ADAMTS17: variants seen among roughly 807,000 people sequenced by gnomAD.
ADAMTS17 encodes the protein A disintegrin and metalloproteinase with thrombospondin motifs 17.
A neutral mutation model predicts 141.5 loss-of-function variants in ADAMTS17; 113 were observed. The observed-to-expected ratio is 0.80, with a 90% CI of 0.69 to 0.93. ADAMTS17 has a LOEUF of 0.93. ADAMTS17 is among the 40% of genes least tolerant of loss of function. The pLI is 0.00. For missense variants in ADAMTS17, 1,659 were observed against 1,517.9 expected, an observed-to-expected ratio of 1.09 and a Z score of -1.54; for synonymous variants, 768 against 630.6, an observed-to-expected ratio of 1.22 and a Z score of -3.27.
At chr15:100,005,799 C>T (rs559308807) in intron 18 of ADAMTS17, among the ~76,000 whole-genome samples, 1 of 152,314 alleles carries the variant, frequency 6.6e-6, no homozygotes, top group Admixed American at 6.5e-5. Flanking sequence ...TCTATTCCCT[C>T]ACAGTTTTGG....
rs148784823 is a variant in ADAMTS17, at chr15:100,170,538, T to C, written c.1182-15218A>G. On this transcript the variant is annotated intron_variant, in intron 8 of 21. Transcript: ENST00000268070. ...AAAAGATACATCAAATTGGGAACCATTGAAAGTCCCTTCGCGGATTTCAAG... is the reference window on the plus strand; with the variant it reads ...AAAAGATACATCAAATTGGGAACCACTGAAAGTCCCTTCGCGGATTTCAAG... 5.8e-3 allele frequency among the ~76,000 whole-genome samples: 885 copies of C among 152,332 alleles called. 9 individuals carry two copies. Among genetic ancestry groups the C allele is most frequent in the African/African-American group, 0.02 (824 of 41,574 alleles).
At chr15:100,007,642 A>T (rs1567670218) in intron 18 of ADAMTS17, among the ~76,000 whole-genome samples, 1 of 152,068 alleles carries the variant, frequency 6.6e-6, no homozygotes, top group African/African-American at 2.4e-5. Flanking sequence ...CAGGACTCTG[A>T]GCCCAAGAAT....
At chr15:100,020,956 C>A (rs1170605556) in intron 18 of ADAMTS17, among the ~76,000 whole-genome samples, 1 of 152,202 alleles carries the variant, frequency 6.6e-6, no homozygotes, top group East Asian at 1.9e-4. Context: ...GTGCTGGGAG[C>A]TTCGCTGTTC....
rs559888107 is a variant in ADAMTS17, at chr15:100,127,695, C to A, written c.1721+4312G>T. Among the ~76,000 whole-genome samples, 3 of 152,326 alleles carry A rather than the reference C, an allele frequency of 2.0e-5. No individual in the cohort carries two copies. The South Asian group carries it at 6.2e-4, about 32-fold the overall frequency. ...CTCCCGGGTACAAGCGATTCTCCCG[C>A]CTCAGCCTCCCAAGTAGCTGGGATT... On this transcript the variant is annotated intron_variant, in intron 12 of 21. Transcript: ENST00000268070.
chr15:100,168,704 G>C (rs759468174), intron 8 of ADAMTS17: 1 of 152,282 alleles, frequency 6.6e-6, no homozygotes, highest in Non-Finnish European at 1.5e-5. Flanking sequence ...TTCTTGCGGA[G>C]TGCTACAAGG....
At chr15:100,274,845 C>G (rs894009208) in intron 4 of ADAMTS17, among the ~76,000 whole-genome samples, 2 of 148,966 alleles carry the variant, frequency 1.3e-5, no homozygotes, top group African/African-American at 4.9e-5. Context: ...TTTTAATTCC[C>G]TTTTCATTTG....
At chr15:99,980,986 G>A (rs982569072) in intron 20 of ADAMTS17, among the ~76,000 whole-genome samples, 2 of 152,192 alleles carry the variant, frequency 1.3e-5, no homozygotes, top group African/African-American at 4.8e-5. Flanking sequence ...ACGGCAGCAC[G>A]GAACGTTCCA....
In ADAMTS17 at chr15:100,341,085, G is replaced by A; in HGVS notation, c.404C>T (p.Pro135Leu). The A allele has an allele frequency of 1.3e-6, 2 of 1,519,804 alleles. No homozygotes were observed. Among genetic ancestry groups the A allele is most frequent in the Non-Finnish European group, 1.8e-6 (2 of 1,139,294 alleles). The allele number at this position is 1,519,804 out of a possible 1,614,324, so 94.1% of individuals were successfully genotyped here. The change falls in exon 2 of 22, where the codon CCC becomes CTC. Residue 135 changes from proline to leucine, a missense_variant. Transcript: ENST00000268070. ...CFYSGRVLGH[P>L]GSLVSLSACG... ...GGCGCTGAGCGAGACGAGGGAGCCG[G>A]GGTGGCCGAGCACACGGCCCGAGTA...
At chr15:100,287,347 A>G (rs1030698322) in intron 3 of ADAMTS17, among the ~76,000 whole-genome samples, 43 of 152,236 alleles carry the variant, frequency 2.8e-4, no homozygotes, top group Non-Finnish European at 4.7e-4. Context: ...AAGCTAAAGA[A>G]AAAAAGAATG....
At chr15:100,295,322 C>T (rs1261943102) in intron 3 of ADAMTS17, among the ~76,000 whole-genome samples, 1 of 152,138 alleles carries the variant, frequency 6.6e-6, no homozygotes, top group African/African-American at 2.4e-5. Context: ...TAATATATTT[C>T]CCAGACCACC....
intron 18 of ADAMTS17, among the ~76,000 whole-genome samples, chr15:100,034,372 G>C (rs1596272712): frequency 6.6e-6 from 1 of 152,356 alleles, no homozygotes; most frequent in East Asian, 1.9e-4. Context: ...AGGCCGTGCT[G>C]TGGGAGGCAG....
intron 7 of ADAMTS17, among the ~76,000 whole-genome samples, chr15:100,203,917 G>T (rs997222183): frequency 5.9e-5 from 9 of 151,842 alleles, no homozygotes; most frequent in African/African-American, 2.2e-4. Flanking sequence ...AAAAGAAGGG[G>T]TGTAATGAAT....
intron 20 of ADAMTS17, among the ~76,000 whole-genome samples, chr15:99,977,160 A>G (rs1200143351): frequency 6.6e-6 from 1 of 151,536 alleles, no homozygotes; most frequent in Non-Finnish European, 1.5e-5. Flanking sequence ...CTTGCATACC[A>G]GAGTCACGCA....
intron 15 of ADAMTS17, among the ~76,000 whole-genome samples, chr15:100,055,723 C>G (rs1190397129): frequency 1.3e-5 from 2 of 152,160 alleles, no homozygotes; most frequent in Non-Finnish European, 2.9e-5. Flanking sequence ...GTTGGGACAC[C>G]CACAGTTTCC....
At chr15:99,998,045 G>A (rs1029861424) in intron 18 of ADAMTS17, among the ~76,000 whole-genome samples, 1 of 152,188 alleles carries the variant, frequency 6.6e-6, no homozygotes, top group Non-Finnish European at 1.5e-5. Flanking sequence ...TGTCCCTACA[G>A]ACAGCCCGCA....
intron 3 of ADAMTS17, among the ~76,000 whole-genome samples, chr15:100,309,705 A>T (rs1426739810): frequency 6.6e-6 from 1 of 152,208 alleles, no homozygotes; most frequent in African/African-American, 2.4e-5. Context: ...TGCCTGGCTC[A>T]TATCTTGCTT....
At chr15:99,985,151 C>G (rs2060560614) in intron 20 of ADAMTS17, among the ~76,000 whole-genome samples, 1 of 152,254 alleles carries the variant, frequency 6.6e-6, no homozygotes, top group Non-Finnish European at 1.5e-5. Context: ...TCTGTGGACT[C>G]ACACACAGTG....
At chr15:100,169,849 T>G (rs939785127) in intron 8 of ADAMTS17, among the ~76,000 whole-genome samples, 3 of 152,076 alleles carry the variant, frequency 2.0e-5, no homozygotes, top group Non-Finnish European at 4.4e-5. Flanking sequence ...AGAACAGGTG[T>G]TGAGAAGCAG....
chr15:100,078,374 G>C (rs2034519347), intron 15 of ADAMTS17, among the ~76,000 whole-genome samples: 1 of 152,106 alleles, frequency 6.6e-6, no homozygotes, highest in African/African-American at 2.4e-5. Context: ...AAGACAGCAA[G>C]GTAATGGCAT....
Sources: gnomAD v4.1 joint callset for allele counts (sites outside exome capture counted in the v4.1 genomes callset) on GRCh38, gnomAD v4.1.1 for gene constraint, MANE v1.5 for transcripts, NCBI Gene and HGNC (gene_info 2026-07-23, HGNC 2026-07-21) for gene names.